PALS1: variants seen among roughly 807,000 people sequenced by gnomAD.
PALS1 encodes the protein protein PALS1.
PALS1 carries 31 observed loss-of-function variants against 78.9 expected under a neutral mutation model. The ratio of observed to expected loss-of-function variants is 0.39; its 90% CI spans 0.30 to 0.53. The LOEUF (loss-of-function observed/expected upper bound fraction) is 0.53, where lower values mean the gene tolerates loss of function less well. Ranked by LOEUF, PALS1 falls within the 20% of genes least tolerant of loss-of-function variation. The pLI, the probability that PALS1 is intolerant of heterozygous loss-of-function variation, is 0.67. For synonymous variants in PALS1, 276 were observed against 270.9 expected (o/e 1.02, Z -0.18); for missense variants, 704 against 826.5 (o/e 0.85, Z 1.82).
intron 1 of PALS1, among the ~76,000 whole-genome samples, chr14:67,243,523 C>T (rs1310957771): frequency 9.8e-5 from 12 of 122,848 alleles, no homozygotes; most frequent in Admixed American, 6.5e-4. Flanking sequence ...GACGGAGTCT[C>T]GCGCTGTCGC....
chr14:67,281,741 A>T (rs1054714644), intron 3 of PALS1, among the ~76,000 whole-genome samples: 3 of 152,184 alleles, frequency 2.0e-5, no homozygotes, highest in African/African-American at 7.2e-5. Flanking sequence ...ACTTAGTAAG[A>T]GAACAGTTGT....
At chr14:67,297,398 C>T (rs773500226) in intron 4 of PALS1, among the ~76,000 whole-genome samples, 12 of 152,064 alleles carry the variant, frequency 7.9e-5, no homozygotes, top group Non-Finnish European at 1.6e-4. Flanking sequence ...AAAAGGCTAT[C>T]TCTGGGTGTT....
At chr14:67,295,494 A>C (rs556962055) in intron 4 of PALS1, among the ~76,000 whole-genome samples, 1 of 152,098 alleles carries the variant, frequency 6.6e-6, no homozygotes, top group South Asian at 2.1e-4. Context: ...TGTCTCAAAA[A>C]AAAAAAAACT....
chr14:67,332,056 A>T (rs1566588580), intron 14 of PALS1, among the ~76,000 whole-genome samples: 1 of 152,188 alleles, frequency 6.6e-6, no homozygotes, highest in Non-Finnish European at 1.5e-5. Flanking sequence ...TATGGGTCCA[A>T]TATAGTATTG....
intron 8 of PALS1, chr14:67,312,040 G>A (rs2085098114): frequency 6.6e-6 from 1 of 152,588 alleles, no homozygotes; most frequent in Non-Finnish European, 1.5e-5. Flanking sequence ...TAGTAGCTGT[G>A]GTTTGGAAAT....
chr14:67,279,014 T>G lies in PALS1; in HGVS notation c.-153-4T>G. 1.5e-6 allele frequency: 1 copy of G among 686,516 alleles called. No homozygotes were observed. The highest frequency in any genetic ancestry group is 3.2e-5 in the South Asian group (1 of 31,208). The allele number at this position is 686,516 out of a possible 1,614,324, so 42.5% of individuals were successfully genotyped here. On this transcript the variant is annotated splice_region_variant and splice_polypyrimidine_tract_variant and intron_variant, in intron 2 of 14. Coordinates refer to ENST00000261681, the MANE Select transcript of PALS1 (RefSeq NM_022474.4). Reference sequence around the variant, plus strand: ...ACTTTTTTCCCCCCCATCTTTCCCCTTAGATTTCCTTCATGGATACTTTTT... The same window carrying G: ...ACTTTTTTCCCCCCCATCTTTCCCCGTAGATTTCCTTCATGGATACTTTTT...
chr14:67,266,025 CTCAA>C (rs1282668286), intron 1 of PALS1, among the ~76,000 whole-genome samples: 1 of 152,030 alleles, frequency 6.6e-6, no homozygotes, highest in Non-Finnish European at 1.5e-5. Flanking sequence ...CCAAGGCTGT[CTCAA>C]ACTCCTGGTC....
At chr14:67,259,584 T>C (rs1277725884) in intron 1 of PALS1, among the ~76,000 whole-genome samples, 6 of 151,708 alleles carry the variant, frequency 4.0e-5, no homozygotes, top group Non-Finnish European at 8.8e-5. Context: ...TGCACTTCAG[T>C]TTGGGCAACA....
At chr14:67,256,776 C>T (rs1028393403) in intron 1 of PALS1, among the ~76,000 whole-genome samples, 2 of 147,250 alleles carry the variant, frequency 1.4e-5, no homozygotes, top group Non-Finnish European at 3.0e-5. Flanking sequence ...AGTAGGAGGA[C>T]GAAGTGTTCC....
intron 2 of PALS1, among the ~76,000 whole-genome samples, chr14:67,278,063 G>A (rs2084534726): frequency 6.8e-6 from 1 of 147,306 alleles, no homozygotes; most frequent in African/African-American, 2.5e-5. Flanking sequence ...TTGAGATGGA[G>A]TCTCGCTCTG....
At chr14:67,328,008 T>C (rs1189983473) in intron 14 of PALS1, among the ~76,000 whole-genome samples, 2 of 152,240 alleles carry the variant, frequency 1.3e-5, no homozygotes, top group African/African-American at 4.8e-5. Flanking sequence ...AGTAATGGGA[T>C]GGCTGGGTCA....
Position 67,257,582 on chromosome 14 carries a change from A to G in PALS1, c.-236-12119A>G, listed in dbSNP as rs1158611897. Among the ~76,000 whole-genome samples the G allele has an allele frequency of 3.3e-5, 5 of 152,244 alleles. No individual in the cohort carries two copies. The East Asian group carries it at 7.7e-4, about 23-fold the overall frequency. On this transcript the variant is annotated intron_variant, in intron 1 of 14. Transcript: ENST00000261681. ...AGCTAAATATTCATCTTCATAATAA[A>G]TGCTCAACAGATAACTAAAAAAAAA...
At chr14:67,246,233 C>T (rs2083986273) in intron 1 of PALS1, among the ~76,000 whole-genome samples, 2 of 152,014 alleles carry the variant, frequency 1.3e-5, no homozygotes, top group Admixed American at 6.6e-5. Flanking sequence ...CCTTGGCCTC[C>T]CAGGTTCAAG....
intron 1 of PALS1, among the ~76,000 whole-genome samples, chr14:67,266,821 G>A (rs922882714): frequency 9.9e-5 from 15 of 151,924 alleles, no homozygotes; most frequent in Admixed American, 5.3e-4. Flanking sequence ...AAAAAACTTC[G>A]TTTCTTGGCT....
chr14:67,273,757 T>G (rs1251248892), intron 2 of PALS1, among the ~76,000 whole-genome samples: 1 of 152,250 alleles, frequency 6.6e-6, no homozygotes, highest in Non-Finnish European at 1.5e-5. Context: ...AAAGTGTTCC[T>G]GTTTCTCCAC....
intron 3 of PALS1, among the ~76,000 whole-genome samples, chr14:67,285,866 T>G (rs2084677103): frequency 6.6e-6 from 1 of 152,116 alleles, no homozygotes; most frequent in Admixed American, 6.5e-5. Context: ...TTTACGAGGG[T>G]GGATTTGTGG....
At chr14:67,320,573 A>G (rs1350466019) in intron 12 of PALS1, among the ~76,000 whole-genome samples, 176 bp downstream of exon 12, 2 of 152,214 alleles carry the variant, frequency 1.3e-5, no homozygotes, top group Non-Finnish European at 2.9e-5. Flanking sequence ...TTATTAAGAA[A>G]TTTAAATTTG....
chr14:67,312,415 T>C, intron 8 of PALS1, 112 bp from the exon 9 acceptor site: 4 of 733,156 alleles, frequency 5.5e-6, no homozygotes, highest in Non-Finnish European at 6.0e-6. Flanking sequence ...CTGTCTCTAT[T>C]AAATTTTTTT....
chr14:67,278,997 C>G (rs2084557090), intron 2 of PALS1, 21 bp from the exon 3 acceptor site: 2 of 552,464 alleles, frequency 3.6e-6, no homozygotes, highest in Non-Finnish European at 5.9e-6. Context: ...ACACTTTTTT[C>G]CCCCCCATCT....
Sources: gnomAD v4.1 joint callset for allele counts (sites outside exome capture counted in the v4.1 genomes callset) on GRCh38, gnomAD v4.1.1 for gene constraint, MANE v1.5 for transcripts, NCBI Gene and HGNC (gene_info 2026-07-23, HGNC 2026-07-21) for gene names.